SCTR: variants seen among roughly 807,000 people sequenced by gnomAD.
SCTR encodes secretin receptor, also known as pancreatic secretin receptor.
SCTR carries 56 observed loss-of-function variants against 60.8 expected under a neutral mutation model. That is an observed-to-expected ratio of 0.92 (90% CI 0.74 to 1.15). The LOEUF (loss-of-function observed/expected upper bound fraction) is 1.15. SCTR is among the 50% of genes most tolerant of loss of function. The pLI, the probability that SCTR is intolerant of heterozygous loss-of-function variation, is 0.00. For missense variants in SCTR, 562 were observed against 550.4 expected, an observed-to-expected ratio of 1.02 and a Z score of -0.21; for synonymous variants, 202 against 217.0, an observed-to-expected ratio of 0.93 and a Z score of 0.61.
intron 1 of SCTR, among the ~76,000 whole-genome samples, chr2:119,505,104 T>C (rs988565711): frequency 2.0e-5 from 3 of 152,154 alleles, no homozygotes; most frequent in Non-Finnish European, 4.4e-5. Context: ...AGTTCAACCA[T>C]TGTGGAAGTC....
intron 12 of SCTR, among the ~76,000 whole-genome samples, chr2:119,440,922 G>A (rs1314347257): frequency 2.0e-5 from 3 of 152,224 alleles, no homozygotes; most frequent in African/African-American, 7.2e-5. Context: ...TCCCATTCAA[G>A]TGCAACAAAC....
rs190033149 is a variant in SCTR at position 119,493,019 on chromosome 2, G to A, written c.193+1409C>T. ...ATTACAGGTGCCCACCACCATGCTG[G>A]CTAATTTTTGTATTTTTAATAGAGA... On this transcript the variant is annotated intron_variant, in intron 2 of 12. Transcript: ENST00000019103. 3.1e-3 allele frequency among the ~76,000 whole-genome samples: 469 copies of A among 152,064 alleles called. 3 individuals are homozygous for A. Among genetic ancestry groups the A allele is most frequent in the African/African-American group, 0.011 (438 of 41,476 alleles).
chr2:119,512,711 T>C (rs1352873916), intron 1 of SCTR, among the ~76,000 whole-genome samples: 1 of 152,200 alleles, frequency 6.6e-6, no homozygotes, highest in East Asian at 1.9e-4. Context: ...TGATTTTCTT[T>C]ATAAAAGATT....
rs758416938 is a variant in SCTR at position 119,440,168 on chromosome 2, C to A, written c.1272G>T (p.Lys424Asn). 21 of 1,613,954 alleles carry A rather than the reference C, an allele frequency of 1.3e-5. No homozygotes were observed. The highest frequency in any genetic ancestry group is 1.7e-5 in the Non-Finnish European group (20 of 1,180,018). Residue 424 changes from lysine (K) to asparagine (N), a missense_variant, in exon 13 of 13, where the codon AAG (lysine) becomes AAT (asparagine). Lys to Asn is a moderately conservative substitution (Grantham distance 94). Transcript: ENST00000019103. ...CCTGGCTCTGCTCCAAGTGGCTGGC[C>A]TTGGTGCTGTTGCTGAAGGAGGCCA... ...HPVASFSNST[K>N]ASHLEQSQGT...
intron 4 of SCTR, among the ~76,000 whole-genome samples, chr2:119,466,731 AC>A: frequency 6.6e-6 from 1 of 152,018 alleles, no homozygotes; most frequent in South Asian, 2.1e-4. Context: ...AGCCTGGATG[AC>A]AGAGTAAGAC....
At chr2:119,495,498 C>T (rs1030323159) in intron 1 of SCTR, 1 of 152,178 alleles carries the variant, frequency 6.6e-6, no homozygotes, top group Non-Finnish European at 1.5e-5. Flanking sequence ...AGCCCATAGT[C>T]TCTGGAAATT....
At chr2:119,523,924 T>A (rs1025524938) in intron 1 of SCTR, among the ~76,000 whole-genome samples, 1 of 152,116 alleles carries the variant, frequency 6.6e-6, no homozygotes, top group Admixed American at 6.5e-5. Flanking sequence ...GGCACAGGGA[T>A]TCATCTTAGA....
At chr2:119,467,294 G>T (rs191564278) in intron 4 of SCTR, among the ~76,000 whole-genome samples, 1 of 151,734 alleles carries the variant, frequency 6.6e-6, no homozygotes, top group Non-Finnish European at 1.5e-5. Context: ...CAGGAGGCTC[G>T]CTTGAACCCG....
At chr2:119,462,639 G>T (rs1421953308) in intron 6 of SCTR, among the ~76,000 whole-genome samples, 1 of 152,198 alleles carries the variant, frequency 6.6e-6, no homozygotes, top group South Asian at 2.1e-4. Flanking sequence ...GGGGCACCAG[G>T]CTTCTACACC....
chr2:119,513,269 T>C (rs1369669559), intron 1 of SCTR, among the ~76,000 whole-genome samples: 1 of 152,248 alleles, frequency 6.6e-6, no homozygotes, highest in African/African-American at 2.4e-5. Flanking sequence ...CATCTCTGTC[T>C]CTTGTTTTGT....
chr2:119,455,101 T>C (rs1683323529), intron 7 of SCTR, among the ~76,000 whole-genome samples: 1 of 152,156 alleles, frequency 6.6e-6, no homozygotes, highest in South Asian at 2.1e-4. Context: ...TCAAGCTGAA[T>C]GGTAAAAGCC....
chr2:119,487,167 G>A (rs1473777010), intron 2 of SCTR: 3 of 152,306 alleles, frequency 2.0e-5, no homozygotes, highest in African/African-American at 7.2e-5. Context: ...GGAGGGGAGT[G>A]ATGACTTAAT....
chr2:119,522,947 G>C (rs1162125337), intron 1 of SCTR, among the ~76,000 whole-genome samples: 1 of 152,196 alleles, frequency 6.6e-6, no homozygotes, highest in Non-Finnish European at 1.5e-5. Context: ...CTCCAAGCAA[G>C]CTCCAAATTG....
chr2:119,481,938 C>A (rs910091204), intron 2 of SCTR, among the ~76,000 whole-genome samples: 6 of 152,192 alleles, frequency 3.9e-5, no homozygotes, highest in Non-Finnish European at 8.8e-5. Context: ...GAGCCCTGTG[C>A]GTCCCACACT....
At chr2:119,474,854 G>A (rs1032955815) in intron 3 of SCTR, among the ~76,000 whole-genome samples, 3 of 152,246 alleles carry the variant, frequency 2.0e-5, no homozygotes, top group East Asian at 1.9e-4. Flanking sequence ...CCAGGAGACC[G>A]TGTCCTCTGA....
intron 1 of SCTR, among the ~76,000 whole-genome samples, chr2:119,501,530 G>A (rs1473548453): frequency 6.6e-6 from 1 of 152,098 alleles, no homozygotes; most frequent in Non-Finnish European, 1.5e-5. Context: ...AATACAGTTA[G>A]GTAGAAGGAA....
chr2:119,482,284 C>G (rs1219837040), intron 2 of SCTR, among the ~76,000 whole-genome samples: 2 of 152,188 alleles, frequency 1.3e-5, no homozygotes, highest in Non-Finnish European at 2.9e-5. Context: ...GCCTGTTTCT[C>G]CCTGAAGAGA....
At chr2:119,481,847 C>T (rs554259144) in intron 2 of SCTR, among the ~76,000 whole-genome samples, 2 of 152,340 alleles carry the variant, frequency 1.3e-5, no homozygotes, top group South Asian at 2.1e-4. Context: ...CCCTCATAAA[C>T]GGGCTTTCAC....
At chr2:119,502,783 G>A in intron 1 of SCTR, among the ~76,000 whole-genome samples, 1 of 150,760 alleles carries the variant, frequency 6.6e-6, no homozygotes, top group Middle Eastern at 3.2e-3. Flanking sequence ...CTTGAGTCCG[G>A]GAGTTCAAGA....
Sources: gnomAD v4.1 joint callset for allele counts (sites outside exome capture counted in the v4.1 genomes callset) on GRCh38, gnomAD v4.1.1 for gene constraint, MANE v1.5 for transcripts, NCBI Gene and HGNC (gene_info 2026-07-23, HGNC 2026-07-21) for gene names.